The following NR6A1 variants were observed in gnomAD, a reference collection of about 807,000 sequenced individuals.
The protein encoded by NR6A1 is nuclear receptor subfamily 6 group A member 1, also known as retinoic acid receptor-related testis-associated receptor.
A neutral mutation model predicts 59.1 loss-of-function variants in NR6A1; 7 were observed. That is an observed-to-expected ratio of 0.12 (90% CI 0.07 to 0.22). NR6A1 has a LOEUF of 0.22. Ranked by LOEUF, NR6A1 falls within the 10% of genes least tolerant of loss-of-function variation. The probability of loss-of-function intolerance (pLI) is 1.00; values close to 1 mark genes in which losing one functional copy is unlikely to be tolerated. For synonymous variants in NR6A1, 243 were observed against 236.1 expected, an observed-to-expected ratio of 1.03 and a Z score of -0.27; for missense variants, 468 against 611.6, an observed-to-expected ratio of 0.77 and a Z score of 2.48.
chr9:124,714,261 C>G (rs1404476552), intron 2 of NR6A1, among the ~76,000 whole-genome samples: 1 of 152,112 alleles, frequency 6.6e-6, no homozygotes, highest in Non-Finnish European at 1.5e-5. Context: ...TTAATGGGTA[C>G]AGAGCTTCAG....
chr9:124,528,518 T>C (rs964902018), intron 7 of NR6A1, among the ~76,000 whole-genome samples: 7 of 151,858 alleles, frequency 4.6e-5, no homozygotes, highest in Non-Finnish European at 1.0e-4. Flanking sequence ...CTGGGCAACA[T>C]AGCAAAACTC....
At chr9:124,571,253 G>A (rs1167092200) in intron 2 of NR6A1, among the ~76,000 whole-genome samples, 5 of 152,186 alleles carry the variant, frequency 3.3e-5, no homozygotes, top group African/African-American at 9.7e-5. Context: ...TGTGTCTTAG[G>A]AGTGGGTTAG....
At chr9:124,720,056 G>C (rs951984962) in intron 2 of NR6A1, among the ~76,000 whole-genome samples, 1 of 152,138 alleles carries the variant, frequency 6.6e-6, no homozygotes, top group East Asian at 1.9e-4. Flanking sequence ...AACGTTTTTG[G>C]GTTTTTTTGA....
intron 7 of NR6A1, among the ~76,000 whole-genome samples, chr9:124,529,696 A>G (rs1479228755): frequency 6.6e-6 from 1 of 152,122 alleles, no homozygotes; most frequent in East Asian, 1.9e-4. Context: ...CCCCACAGCA[A>G]CTCAGAGCAG....
chr9:124,769,750 A>G (rs1841055735), intron 1 of NR6A1, among the ~76,000 whole-genome samples: 1 of 152,216 alleles, frequency 6.6e-6, no homozygotes, highest in South Asian at 2.1e-4. Context: ...AAAACAGGGC[A>G]AATAAATAAA....
intron 2 of NR6A1, among the ~76,000 whole-genome samples, chr9:124,701,812 C>T (rs1029479868): frequency 6.6e-6 from 1 of 152,188 alleles, no homozygotes; most frequent in Non-Finnish European, 1.5e-5. Flanking sequence ...CAACCTCCAC[C>T]TCCCGGGTTC....
intron 2 of NR6A1, among the ~76,000 whole-genome samples, chr9:124,566,729 C>G (rs532328650): frequency 4.8e-4 from 73 of 152,128 alleles, no homozygotes; most frequent in Admixed American, 9.2e-4. Flanking sequence ...AGGTTCTAAA[C>G]CACGTGGCTG....
chr9:124,668,750 C>T (rs1394582368), intron 2 of NR6A1, among the ~76,000 whole-genome samples: 2 of 152,142 alleles, frequency 1.3e-5, no homozygotes, highest in African/African-American at 2.4e-5. Context: ...AATGAACACA[C>T]TTATACAGAA....
At chr9:124,558,051 C>T (rs902458129) in intron 2 of NR6A1, among the ~76,000 whole-genome samples, 1 of 152,148 alleles carries the variant, frequency 6.6e-6, no homozygotes, top group Non-Finnish European at 1.5e-5. Context: ...GTGGAAGCTC[C>T]AAAATGGTTA....
intron 2 of NR6A1, among the ~76,000 whole-genome samples, chr9:124,718,068 G>T (rs1035648809): frequency 1.3e-5 from 2 of 152,168 alleles, no homozygotes; most frequent in African/African-American, 2.4e-5. Flanking sequence ...CATTTAACAA[G>T]AATTACTACT....
intron 8 of NR6A1, among the ~76,000 whole-genome samples, chr9:124,526,161 T>C (rs903243072): frequency 2.0e-5 from 3 of 152,194 alleles, no homozygotes; most frequent in African/African-American, 7.2e-5. Context: ...AAAAAGAGAA[T>C]ACAACCCTCC....
chr9:124,519,928 A>T lies in NR6A1; in HGVS notation c.*2777T>A, dbSNP rs1224638123. 6.6e-6 allele frequency: 1 copy of T among 151,130 alleles called. No individual in the cohort carries two copies. Among genetic ancestry groups the T allele is most frequent in the Non-Finnish European group, 1.5e-5 (1 of 67,872 alleles). The allele number at this position is 151,130 out of a possible 1,614,324, so 9.4% of individuals were successfully genotyped here. A position where few individuals can be genotyped will look rare whatever the true frequency, so the allele number is the denominator to read the frequency against. ...AAAAAAAAAAAAAAAAAAAAAAAAA[A>T]AATCCTCACTCAAAGTGAGTGCTTT... is the stretch of plus-strand genomic sequence containing the variant. On this transcript the variant is annotated 3_prime_UTR_variant, in exon 10 of 10. Coordinates refer to ENST00000487099, the MANE Select transcript of NR6A1 (RefSeq NM_033334.4).
intron 2 of NR6A1, among the ~76,000 whole-genome samples, chr9:124,694,630 T>C (rs942494083): frequency 1.2e-4 from 19 of 152,210 alleles, no homozygotes; most frequent in African/African-American, 4.3e-4. Flanking sequence ...TAACATGAGA[T>C]AAGCCACTAA....
At chr9:124,551,475 T>C (rs1447199169) in intron 3 of NR6A1, among the ~76,000 whole-genome samples, 11 of 152,340 alleles carry the variant, frequency 7.2e-5, no homozygotes, top group African/African-American at 2.6e-4. Context: ...GATTCTACTC[T>C]ATTATACAAA....
chr9:124,567,470 A>C (rs1436432963), intron 2 of NR6A1, among the ~76,000 whole-genome samples: 2 of 152,226 alleles, frequency 1.3e-5, no homozygotes, highest in African/African-American at 2.4e-5. Flanking sequence ...ATGCAACATC[A>C]AAACATATGA....
intron 2 of NR6A1, chr9:124,692,358 T>G (rs565605028): frequency 3.8e-4 from 145 of 383,872 alleles, no homozygotes; most frequent in Non-Finnish European, 7.9e-4. Context: ...TACTCTCGAC[T>G]TGAAACCCAG....
chr9:124,672,997 C>T (rs1837841725), intron 2 of NR6A1, among the ~76,000 whole-genome samples: 1 of 152,010 alleles, frequency 6.6e-6, no homozygotes, highest in African/African-American at 2.4e-5. Flanking sequence ...TGTGTTTGCC[C>T]AAGAGTGAGT....
chr9:124,569,294 C>T (rs1454330425), intron 2 of NR6A1, among the ~76,000 whole-genome samples: 1 of 152,212 alleles, frequency 6.6e-6, no homozygotes, highest in Non-Finnish European at 1.5e-5. Flanking sequence ...TGGTTAAACA[C>T]AGGACAAAAC....
chr9:124,741,740 T>C (rs1037246322), intron 1 of NR6A1, among the ~76,000 whole-genome samples: 34 of 152,340 alleles, frequency 2.2e-4, no homozygotes, highest in African/African-American at 7.5e-4. Flanking sequence ...AGAAAGAGCA[T>C]AAATTTTTAT....
Sources: gnomAD v4.1 joint callset for allele counts (sites outside exome capture counted in the v4.1 genomes callset) on GRCh38, gnomAD v4.1.1 for gene constraint, MANE v1.5 for transcripts, NCBI Gene and HGNC (gene_info 2026-07-23, HGNC 2026-07-21) for gene names.